PATJ: variants seen among roughly 807,000 people sequenced by gnomAD.
PATJ encodes the protein inaD-like protein.
PATJ carries 190 observed loss-of-function variants against 224.9 expected under a neutral mutation model. The observed-to-expected ratio is 0.84, with a 90% CI of 0.75 to 0.95. The LOEUF (loss-of-function observed/expected upper bound fraction) is 0.95, where lower values mean the gene tolerates loss of function less well. Among genes scored for constraint, PATJ ranks in the 40% least tolerant of loss-of-function variants. The probability of loss-of-function intolerance (pLI) is 0.00; values close to 1 mark genes in which losing one functional copy is unlikely to be tolerated. For synonymous variants in PATJ, 769 were observed against 820.3 expected (o/e 0.94, Z 1.07); for missense variants, 2,121 against 2,270.3 (o/e 0.93, Z 1.34).
rs536804818 is a variant in PATJ at position 62,088,711 on chromosome 1, ACT to A, written c.4377+4068_4377+4069del. ...CTGCCCATGGCACATACCTTCTCCA[ACT>A]CTCTGTTTTCACATATGCAAAATGA... On this transcript the variant is annotated intron_variant, in intron 33 of 43. Transcript: ENST00000642238. 2.3e-3 allele frequency among the ~76,000 whole-genome samples: 352 copies of A among 151,588 alleles called. 2 individuals carry two copies. Among genetic ancestry groups the A allele is most frequent in the African/African-American group, 8.3e-3 (343 of 41,356 alleles).
chr1:62,023,785 A>G (rs185831022), intron 29 of PATJ, among the ~76,000 whole-genome samples: 6 of 152,322 alleles, frequency 3.9e-5, no homozygotes, highest in Admixed American at 3.9e-4. Context: ...ATAACTGTGT[A>G]TGTCAATCAT....
chr1:61,776,730 T>G (rs898669444), intron 7 of PATJ, among the ~76,000 whole-genome samples: 1 of 97,152 alleles, frequency 1.0e-5, no homozygotes, highest in African/African-American at 3.0e-5. Flanking sequence ...TTAATCTACT[T>G]TTTTTTTTTT....
At chr1:61,898,854 A>C (rs1423031067) in intron 22 of PATJ, among the ~76,000 whole-genome samples, 1 of 152,156 alleles carries the variant, frequency 6.6e-6, no homozygotes, top group African/African-American at 2.4e-5. Flanking sequence ...TGGCACAAAC[A>C]TGACTCATTG....
chr1:61,964,894 A>G (rs989041465), intron 27 of PATJ, among the ~76,000 whole-genome samples: 16 of 151,416 alleles, frequency 1.1e-4, no homozygotes, highest in African/African-American at 3.9e-4. Flanking sequence ...GGCAGAACAC[A>G]TGGGGTCAGG....
chr1:62,014,562 CTTTTTTTT>C (rs35711547), intron 28 of PATJ, among the ~76,000 whole-genome samples: 3 of 84,516 alleles, frequency 3.5e-5, no homozygotes, highest in South Asian at 4.5e-4. Flanking sequence ...CTTTTCTTTC[CTTTTTTTT>C]TTTTTTTTTT....
Position 62,144,769 on chromosome 1 carries a change from A to ATATATATATATATATAT in PATJ, c.5272-3515_5272-3514insTATATATATATATATAT, listed in dbSNP as rs1180544696. 1.2e-3 allele frequency among the ~76,000 whole-genome samples: 73 copies of ATATATATATATATATAT among 58,676 alleles called. 1 individual carries two copies. Among genetic ancestry groups the ATATATATATATATATAT allele is most frequent in the African/African-American group, 4.6e-3 (70 of 15,254 alleles). The allele number at this position is 58,676 out of a possible 152,430, so 38.5% of individuals were successfully genotyped here. On this transcript the variant is annotated intron_variant, in intron 41 of 43. Transcript: ENST00000642238. Reference sequence around the variant, plus strand: ...AAATGCTCTAGAATGTTATTTGCAAAAAAAAAAAATATATATATATATATA... The same window carrying ATATATATATATATATAT: ...AAATGCTCTAGAATGTTATTTGCAAATATATATATATATATATAAAAAAAAATATATATATATATATA...
intron 21 of PATJ, 108 bp downstream of exon 21, chr1:61,875,474 C>A: frequency 1.1e-6 from 1 of 885,326 alleles, no homozygotes; most frequent in Non-Finnish European, 1.7e-6. Flanking sequence ...CATTATGATG[C>A]TTTGAATTTA....
intron 6 of PATJ, among the ~76,000 whole-genome samples, chr1:61,773,629 A>G (rs1011693859): frequency 7.2e-5 from 11 of 151,812 alleles, no homozygotes; most frequent in African/African-American, 2.7e-4. Flanking sequence ...TCTACTAAAA[A>G]TACAAAAACT....
chr1:62,068,096 A>G (rs963617744), intron 31 of PATJ, among the ~76,000 whole-genome samples: 3 of 152,024 alleles, frequency 2.0e-5, no homozygotes, highest in Non-Finnish European at 2.9e-5. Context: ...CGCCTGGCCT[A>G]ATTTGTTGTC....
chr1:61,871,058 G>C (rs1323756294), intron 20 of PATJ, among the ~76,000 whole-genome samples: 1 of 141,994 alleles, frequency 7.0e-6, no homozygotes, highest in Non-Finnish European at 1.5e-5. Flanking sequence ...ATTTTTTAAA[G>C]ATTTGGTTTT....
chr1:62,102,760 T>C (rs1246030246), intron 33 of PATJ, among the ~76,000 whole-genome samples: 2 of 146,320 alleles, frequency 1.4e-5, no homozygotes, highest in Admixed American at 7.2e-5. Flanking sequence ...CTTGGGAAGC[T>C]GAGATGGGAG....
intron 20 of PATJ, among the ~76,000 whole-genome samples, chr1:61,871,450 TATATG>T (rs1666468982): frequency 1.2e-5 from 1 of 83,124 alleles, no homozygotes; most frequent in Non-Finnish European, 3.2e-5. Context: ...TATACACATA[TATATG>T]CGTATATATA....
intron 31 of PATJ, among the ~76,000 whole-genome samples, chr1:62,055,798 A>G (rs1654437306): frequency 6.6e-6 from 1 of 152,202 alleles, no homozygotes; most frequent in Non-Finnish European, 1.5e-5. Flanking sequence ...GGATATATGG[A>G]TATCTGAGAA....
chr1:61,877,761 G>A (rs1310845750), intron 21 of PATJ, among the ~76,000 whole-genome samples: 4 of 152,098 alleles, frequency 2.6e-5, no homozygotes, highest in Non-Finnish European at 4.4e-5. Flanking sequence ...CCCAGTCTCC[G>A]GTAGTTCTTT....
intron 24 of PATJ, among the ~76,000 whole-genome samples, chr1:61,902,157 G>A (rs899006038): frequency 2.6e-5 from 4 of 151,832 alleles, no homozygotes; most frequent in Non-Finnish European, 5.9e-5. Context: ...GGAGGTGGGG[G>A]TCTCAGTGAG....
chr1:61,878,891 C>T (rs1667712234), intron 21 of PATJ, among the ~76,000 whole-genome samples: 1 of 151,842 alleles, frequency 6.6e-6, no homozygotes, highest in Admixed American at 6.6e-5. Context: ...TCAAGTGATT[C>T]TCCTGCCTCA....
chr1:61,871,529 G>T (rs1457601232), intron 20 of PATJ, among the ~76,000 whole-genome samples: 1 of 7,642 alleles, frequency 1.3e-4, no homozygotes, highest in African/African-American at 3.3e-4. Context: ...ATAAATATGT[G>T]TGTGTGTGTG....
At chr1:61,793,971 C>G (rs1371020738) in intron 9 of PATJ, among the ~76,000 whole-genome samples, 1 of 146,956 alleles carries the variant, frequency 6.8e-6, no homozygotes, top group Non-Finnish European at 1.5e-5. Flanking sequence ...GGCACAGTCT[C>G]GGCTCACTGC....
chr1:61,802,731 A>T (rs1365172206), intron 12 of PATJ, among the ~76,000 whole-genome samples: 1 of 152,020 alleles, frequency 6.6e-6, no homozygotes, highest in Admixed American at 6.6e-5. Context: ...TTATACCTTT[A>T]TTCTTTAATT....
Sources: allele counts gnomAD v4.1 joint callset (sites outside exome capture counted in the v4.1 genomes callset), GRCh38; gene constraint gnomAD v4.1.1; transcripts MANE v1.5; gene names NCBI Gene and HGNC (gene_info 2026-07-23, HGNC 2026-07-21).